The following NUDT16L1 variants were observed in gnomAD, a reference collection of about 807,000 sequenced individuals.
NUDT16L1 encodes the protein tudor-interacting repair regulator protein.
In NUDT16L1, 19 loss-of-function variants were observed where a neutral mutation model predicts 17.3. The observed-to-expected ratio is 1.10, with a 90% CI of 0.77 to 1.61. The LOEUF (loss-of-function observed/expected upper bound fraction) is 1.61. NUDT16L1 is among the 40% of genes most tolerant of loss of function. The pLI, the probability that NUDT16L1 is intolerant of heterozygous loss-of-function variation, is 0.00. For missense variants in NUDT16L1, 341 were observed against 292.0 expected, an observed-to-expected ratio of 1.17 and a Z score of -1.22; for synonymous variants, 255 against 138.6, an observed-to-expected ratio of 1.84 and a Z score of -5.90.
At chr16:4,693,665 C>G (rs963014283), upstream of NUDT16L1, 3 of 1,357,500 alleles carry the variant, frequency 2.2e-6, no homozygotes, top group Admixed American at 3.5e-5. Flanking sequence ...TGGCGAGGCA[C>G]GGCGGGGGCG....
intron 2 of NUDT16L1, chr16:4,694,608 G>T: frequency 7.0e-7 from 1 of 1,430,482 alleles, no homozygotes; most frequent in Non-Finnish European, 9.1e-7. Context: ...CTCATGTTGG[G>T]CGTGAAGGCT....
At chr16:4,695,798 C>T in exon 3 of NUDT16L1, 1 of 391,950 alleles carries the variant, frequency 2.6e-6, no homozygotes, top group Non-Finnish European at 4.5e-6. Context: ...CAGCTATGTA[C>T]AACGAAGCTG....
exon 2 of NUDT16L1, chr16:4,694,193 C>T (rs1287162190): frequency 5.7e-6 from 9 of 1,566,818 alleles, no homozygotes; most frequent in Non-Finnish European, 6.9e-6. Flanking sequence ...AGCAGCTGCA[C>T]GCCGTGGAGA....
chr16:4,694,690 G>GA, intron 2 of NUDT16L1: 23 of 1,422,434 alleles, frequency 1.6e-5, no homozygotes, highest in Non-Finnish European at 2.1e-5. Flanking sequence ...TGGACGGGGG[G>GA]AGCATGGGGT....
chr16:4,695,147 G>A, exon 3 of NUDT16L1: 1 of 1,613,206 alleles, frequency 6.2e-7, no homozygotes, highest in Non-Finnish European at 8.5e-7. Context: ...GCAGAAGAAG[G>A]CCCTGGAGAA....
At chr16:4,694,288 C>T (rs1165112344) in intron 2 of NUDT16L1, 50 bp downstream of exon 2, 4 of 1,476,734 alleles carry the variant, frequency 2.7e-6, no homozygotes, top group Admixed American at 2.4e-5. Flanking sequence ...TTGGCTCTGG[C>T]CCCGTGGAAG....
intron 2 of NUDT16L1, 91 bp downstream of exon 2, chr16:4,694,329 C>T (rs770951292): frequency 2.0e-4 from 304 of 1,490,338 alleles, no homozygotes; most frequent in Non-Finnish European, 2.4e-4. Flanking sequence ...TCCTGAGGGT[C>T]CCCTGGCCGG....
At chr16:4,695,167 G>T (rs368011595) in exon 3 of NUDT16L1, 2 of 1,612,692 alleles carry the variant, frequency 1.2e-6, no homozygotes, top group Non-Finnish European at 8.5e-7. Context: ...AGTTGCTCCC[G>T]GCCTCCTCTT....
intron 2 of NUDT16L1, 66 bp from the exon 3 acceptor site, chr16:4,694,892 C>A (rs1307739272): frequency 2.0e-6 from 3 of 1,536,312 alleles, no homozygotes; most frequent in East Asian, 2.4e-5. Flanking sequence ...AGCTTCCAGG[C>A]CCCTCCTGCT....
upstream of NUDT16L1, chr16:4,693,685 A>G (rs1200557000): frequency 4.9e-6 from 7 of 1,417,668 alleles, no homozygotes; most frequent in South Asian, 5.9e-5. Context: ...GGGCTCGCGC[A>G]TGCTCTTAAG....
exon 2 of NUDT16L1, chr16:4,694,099 C>T: frequency 6.3e-7 from 1 of 1,591,262 alleles, no homozygotes. Flanking sequence ...CTGCGCCTCA[C>T]CGAGGCCGAC....
chr16:4,694,618 TCTTGGGATTTGTA>T, intron 2 of NUDT16L1: 2 of 1,424,272 alleles, frequency 1.4e-6, no homozygotes, highest in South Asian at 3.0e-5. Context: ...GCGTGAAGGC[TCTTGGGATTTGTA>T]CTTTGTGGTC....
At chr16:4,695,466 T>C in exon 3 of NUDT16L1, 2 of 581,892 alleles carry the variant, frequency 3.4e-6, no homozygotes, top group Non-Finnish European at 6.1e-6. Flanking sequence ...CTTGTACGTC[T>C]CATCACAGCT....
exon 3 of NUDT16L1, chr16:4,695,487 C>T (rs2079522600): frequency 1.8e-6 from 1 of 562,284 alleles, no homozygotes. Flanking sequence ...GGTAGAGACC[C>T]AGGAGTGCCT....
exon 2 of NUDT16L1, chr16:4,694,190 G>A (rs759384700): frequency 7.0e-6 from 11 of 1,568,526 alleles, no homozygotes; most frequent in South Asian, 1.1e-5. Context: ...TGGAGCAGCT[G>A]CACGCCGTGG....
At chr16:4,694,319 TCCTGAGGGTCC>T in intron 2 of NUDT16L1, 81 bp downstream of exon 2, 2 of 1,474,612 alleles carry the variant, frequency 1.4e-6, no homozygotes, top group Non-Finnish European at 1.8e-6. Context: ...GTAACACGTC[TCCTGAGGGTCC>T]CCTGGCCGGG....
chr16:4,694,882 A>C (rs1361484831), intron 2 of NUDT16L1, 76 bp from the exon 3 acceptor site: 2 of 1,520,838 alleles, frequency 1.3e-6, no homozygotes, highest in South Asian at 1.2e-5. Flanking sequence ...CTGGCCTCAT[A>C]GCTTCCAGGC....
intron 2 of NUDT16L1, chr16:4,694,668 G>C (rs1314309398): frequency 7.0e-7 from 1 of 1,421,024 alleles, no homozygotes; most frequent in South Asian, 1.6e-5. Flanking sequence ...CGGGTGTTCA[G>C]GCTTCGTTGG....
chr16:4,694,650 C>T (rs1044049077), intron 2 of NUDT16L1: 11 of 1,402,172 alleles, frequency 7.8e-6, no homozygotes, highest in African/African-American at 1.5e-5. Context: ...TCTGGAAGGG[C>T]TGGACTGCGG....
Sources: gnomAD v4.1 joint callset for allele counts on GRCh38, gnomAD v4.1.1 for gene constraint, MANE v1.5 for transcripts, NCBI Gene and HGNC (gene_info 2026-07-23, HGNC 2026-07-21) for gene names.